KLRG1: variants seen among roughly 807,000 people sequenced by gnomAD.
The protein encoded by KLRG1 is killer cell lectin-like receptor subfamily G member 1.
In KLRG1, 16 loss-of-function variants were observed where a neutral mutation model predicts 21.8. The observed-to-expected ratio is 0.73, with a 90% confidence interval of 0.50 to 1.11. The LOEUF is 1.11. KLRG1 is among the 50% of genes most tolerant of loss of function. The pLI, the probability that KLRG1 is intolerant of heterozygous loss-of-function variation, is 0.00. For missense variants in KLRG1, 173 were observed against 218.3 expected, an observed-to-expected ratio of 0.79 and a Z score of 1.31; for synonymous variants, 69 against 75.9, an observed-to-expected ratio of 0.91 and a Z score of 0.47.
At chr12:9,155,369 T>C in the KLRG1 span, among the ~76,000 whole-genome samples, 2 of 152,200 alleles carry the variant, frequency 1.3e-5, no homozygotes, top group South Asian at 2.1e-4. Context: ...ACTACTTCCA[T>C]TGTAGGTGAT....
chr12:9,028,134 T>TGTC, the KLRG1 span: 16 of 752,122 alleles, frequency 2.1e-5, no homozygotes, highest in African/African-American at 1.5e-4. Context: ...TGTTCTTCAG[T>TGTC]GTCGTCGTCT....
chr12:9,101,299 G>T, the KLRG1 span: 1 of 1,383,642 alleles, frequency 7.2e-7, no homozygotes, highest in South Asian at 1.2e-5. Flanking sequence ...AGTCCCTGCC[G>T]GCAATAATTC....
the KLRG1 span, among the ~76,000 whole-genome samples, chr12:9,016,217 A>G: frequency 2.0e-5 from 3 of 152,162 alleles, no homozygotes; most frequent in Non-Finnish European, 4.4e-5. Flanking sequence ...TGAAACCACA[A>G]GTTGGTTTTT....
chr12:9,185,658 G>GA, the KLRG1 span, among the ~76,000 whole-genome samples: 21 of 149,822 alleles, frequency 1.4e-4, no homozygotes, highest in African/African-American at 4.2e-4. Context: ...TGAAATGAAT[G>GA]AAAAAAAAAA....
chr12:8,995,407 G>A, intron 3 of KLRG1, 119 bp downstream of exon 3: 1 of 855,712 alleles, frequency 1.2e-6, no homozygotes, highest in Non-Finnish European at 1.8e-6. Context: ...CTGTGATTTG[G>A]GGGGGATACT....
upstream of KLRG1, among the ~76,000 whole-genome samples, chr12:8,984,578 T>G (rs1264712261): frequency 6.6e-6 from 1 of 152,168 alleles, no homozygotes; most frequent in Admixed American, 6.6e-5. Flanking sequence ...TTAAAAATTA[T>G]GAATGCTGTT....
intron 1 of KLRG1, among the ~76,000 whole-genome samples, chr12:8,969,732 A>C (rs758898007): frequency 4.2e-4 from 64 of 152,334 alleles, no homozygotes; most frequent in Admixed American, 9.2e-4. Context: ...AAATTGATAA[A>C]ATGTTGACAA....
chr12:9,152,880 G>T, the KLRG1 span: 2 of 1,614,036 alleles, frequency 1.2e-6, no homozygotes, highest in Non-Finnish European at 1.7e-6. Flanking sequence ...CGCAAGTTTG[G>T]GGCACAGTCT....
intron 1 of KLRG1, among the ~76,000 whole-genome samples, chr12:8,961,247 G>T (rs1041186789): frequency 6.6e-6 from 1 of 152,108 alleles, no homozygotes; most frequent in Non-Finnish European, 1.5e-5. Context: ...CAGGAGTTTT[G>T]TGTCTTTAGC....
the KLRG1 span, chr12:9,196,971 G>T: frequency 7.2e-7 from 1 of 1,385,638 alleles, no homozygotes; most frequent in Non-Finnish European, 1.0e-6. Context: ...CTCACTGGTT[G>T]TAAACAGTGA....
chr12:9,158,016 C>T, the KLRG1 span, among the ~76,000 whole-genome samples: 3 of 152,330 alleles, frequency 2.0e-5, no homozygotes, highest in Middle Eastern at 3.4e-3. Context: ...TGCAGTAGCA[C>T]TATCACACAT....
At chr12:9,197,092 C>T in the KLRG1 span, 1 of 1,613,342 alleles carries the variant, frequency 6.2e-7, no homozygotes, top group Non-Finnish European at 8.5e-7. Context: ...CTCACAGTTG[C>T]AAGTCCTGGG....
At chr12:9,200,058 A>G in the KLRG1 span, among the ~76,000 whole-genome samples, 1 of 152,176 alleles carries the variant, frequency 6.6e-6, no homozygotes, top group Non-Finnish European at 1.5e-5. Context: ...ATGTCTCTGT[A>G]TTTTAGAGGT....
intron 1 of KLRG1, among the ~76,000 whole-genome samples, chr12:8,970,791 C>A (rs887752483): frequency 6.6e-6 from 1 of 152,096 alleles, no homozygotes; most frequent in Non-Finnish European, 1.5e-5. Flanking sequence ...TCCTTCTGTT[C>A]TTTTGCAGAC....
the KLRG1 span, among the ~76,000 whole-genome samples, chr12:9,188,762 G>A: frequency 6.6e-6 from 1 of 152,118 alleles, no homozygotes; most frequent in African/African-American, 2.4e-5. Context: ...AGGAATGCAA[G>A]CAATCCCATT....
At chr12:9,196,902 G>A in the KLRG1 span, 1 of 913,388 alleles carries the variant, frequency 1.1e-6, no homozygotes, top group Non-Finnish European at 1.7e-6. Context: ...GTTTTTTGGT[G>A]GGGGATATTT....
the KLRG1 span, chr12:9,101,568 A>G: frequency 2.5e-6 from 4 of 1,613,894 alleles, no homozygotes; most frequent in Admixed American, 5.0e-5. Context: ...AAGGTGGACA[A>G]AGCTCTTGCT....
At chr12:9,186,468 TGAA>T in the KLRG1 span, among the ~76,000 whole-genome samples, 3 of 152,030 alleles carry the variant, frequency 2.0e-5, no homozygotes, top group African/African-American at 7.3e-5. Flanking sequence ...GCAAGCCAGA[TGAA>T]GAAGCAAGAC....
At chr12:9,157,182 C>T in the KLRG1 span, 1 of 1,613,114 alleles carries the variant, frequency 6.2e-7, no homozygotes, top group South Asian at 1.1e-5. Flanking sequence ...CACCTTCTTT[C>T]ACAGCTTCCT....
Sources: gnomAD v4.1 joint callset for allele counts (sites outside exome capture counted in the v4.1 genomes callset) on GRCh38, gnomAD v4.1.1 for gene constraint, MANE v1.5 for transcripts, NCBI Gene and HGNC (gene_info 2026-07-23, HGNC 2026-07-21) for gene names.